The following CSF2RB variants were observed in gnomAD, a reference collection of about 807,000 sequenced individuals.
CSF2RB encodes the protein colony stimulating factor 2 receptor subunit beta.
In CSF2RB, 22 loss-of-function variants were observed where a neutral mutation model predicts 67.2. That is an observed-to-expected ratio of 0.33 (90% confidence interval 0.23 to 0.47). The LOEUF is 0.47. Among genes scored for constraint, CSF2RB ranks in the 20% least tolerant of loss-of-function variants. The pLI, the probability that CSF2RB is intolerant of heterozygous loss-of-function variation, is 1.00. For synonymous variants in CSF2RB, 507 were observed against 482.9 expected (o/e 1.05, Z -0.65); for missense variants, 1,113 against 1,174.5 (o/e 0.95, Z 0.76).
rs1601593677 is a variant in CSF2RB, at chr22:36,936,605, T to C, written c.1521T>C (p.Ser507=). Residue 507 remains serine (S), a synonymous_variant, in exon 13 of 14, where the codon AGT becomes AGC. Transcript: ENST00000403662. The part of the protein sequence containing the change: ...PGSMSAFTSG[S]PPHQGPWGSR... The stretch of plus-strand genomic sequence containing the variant: ...GCATGTCGGCCTTCACTAGCGGGAG[T>C]CCCCCACACCAGGGGCCGTGGGGCA... The C allele has an allele frequency of 1.9e-6, 3 of 1,612,960 alleles. No homozygotes were observed. In the South Asian group the frequency reaches 3.3e-5, roughly 18 times the overall value.
chr22:36,930,755 C>T lies in CSF2RB; in HGVS notation c.937C>T (p.Pro313Ser), dbSNP rs1157582749. 3 of 1,613,870 alleles carry T rather than the reference C, an allele frequency of 1.9e-6. No individual in the cohort carries two copies. The highest frequency in any genetic ancestry group is 1.7e-5 in the Admixed American group (1 of 60,006). The change falls in exon 8 of 14, where the codon CCC (proline) becomes TCC (serine). Residue 313 changes from proline to serine, a missense_variant. By Grantham distance (74) the Pro-to-Ser change is moderately conservative (BLOSUM62 -1). Transcript: ENST00000403662. ...CCACTGCCAGATTCCCGTGCCCGACCCCGCGACCCACGGCCAATACATCGT... is the reference window on the plus strand; with the variant it reads ...CCACTGCCAGATTCCCGTGCCCGACTCCGCGACCCACGGCCAATACATCGT... ...RHHCQIPVPDPATHGQYIVSV... is the reference protein window; with the variant it reads ...RHHCQIPVPDSATHGQYIVSV...
At position 36,936,562 on chromosome 22, in the gene CSF2RB, A is replaced by G. The variant is rs751286370; in HGVS notation, c.1478A>G (p.Glu493Gly). Residue 493 changes from glutamate (E) to glycine (G), a missense_variant, in exon 13 of 14, where the codon GAG (glutamate) becomes GGG (glycine). Physicochemically the swap from Glu to Gly is moderately conservative, Grantham distance 98. Transcript: ENST00000403662. Reference protein sequence around the residue: ...KSHLFQNGSAELWPPGSMSAF... With the variant: ...KSHLFQNGSAGLWPPGSMSAF... ...CTGCTCTTGCAGAACGGGAGCGCAG[A>G]GCTTTGGCCCCCAGGCAGCATGTCG... 1.4e-5 allele frequency: 23 copies of G among 1,612,718 alleles called. No individual in the cohort carries two copies. Among genetic ancestry groups the G allele is most frequent in the Non-Finnish European group, 1.9e-5 (22 of 1,179,962 alleles).
chr22:36,926,873 GT>G (rs1941028865), intron 4 of CSF2RB, among the ~76,000 whole-genome samples: 1 of 152,248 alleles, frequency 6.6e-6, no homozygotes, highest in African/African-American at 2.4e-5. Flanking sequence ...TTTTATGAAA[GT>G]TTTCGTTGAC....
At chr22:36,927,946 C>T (rs909486) in intron 4 of CSF2RB, among the ~76,000 whole-genome samples, 58,502 of 152,046 alleles carry the variant, frequency 0.38, 13,775 homozygotes, top group East Asian at 0.78. Context: ...CATAAGCCAA[C>T]GAAGCAGTCA....
At chr22:36,923,162 G>A (rs2145784638) in intron 2 of CSF2RB, 82 bp from the exon 3 acceptor site, 2 of 1,608,572 alleles carry the variant, frequency 1.2e-6, no homozygotes, top group African/African-American at 1.3e-5. Context: ...CCCAGAGCGG[G>A]ACATCCCAAA....
chr22:36,923,054 G>T (rs995554705), intron 2 of CSF2RB, among the ~76,000 whole-genome samples, 190 bp from the exon 3 acceptor site: 2 of 152,200 alleles, frequency 1.3e-5, no homozygotes, highest in African/African-American at 4.8e-5. Flanking sequence ...TCTGCCAGGA[G>T]AGGAGGGTCC....
At chr22:36,933,744 C>G in intron 9 of CSF2RB, 88 bp from the exon 10 acceptor site, 1 of 1,504,582 alleles carries the variant, frequency 6.6e-7, no homozygotes, top group Non-Finnish European at 8.9e-7. Flanking sequence ...GAGCTAGGAG[C>G]CAGCGAAGCC....
intron 3 of CSF2RB, among the ~76,000 whole-genome samples, chr22:36,924,123 C>T (rs1314493500): frequency 1.3e-5 from 2 of 151,890 alleles, no homozygotes; most frequent in Non-Finnish European, 2.9e-5. Flanking sequence ...CCCACCCCTC[C>T]ACCGCCTTCA....
intron 1 of CSF2RB, among the ~76,000 whole-genome samples, chr22:36,916,083 A>C (rs1462375809): frequency 6.6e-6 from 1 of 152,162 alleles, no homozygotes; most frequent in Non-Finnish European, 1.5e-5. Context: ...AAGATGTCTT[A>C]TGTCATATAA....
Position 36,930,795 on chromosome 22 carries a change from G to A in CSF2RB, c.977G>A (p.Arg326Lys), listed in dbSNP as rs752076635. ...CAATACATCGTCTCTGTTCAGCCAA[G>A]GAGGGCAGAGAAACACATAAAGAGC... is the stretch of plus-strand genomic sequence containing the variant. ...HGQYIVSVQP[R>K]RAEKHIKSSV... The change falls in exon 8 of 14, where the codon AGG becomes AAG. Residue 326 changes from arginine to lysine, a missense_variant. Arg to Lys is a conservative substitution (Grantham distance 26). Coordinates refer to ENST00000403662, the MANE Select transcript of CSF2RB (RefSeq NM_000395.3). The A allele has an allele frequency of 6.8e-6, 11 of 1,614,156 alleles. No individual in the cohort carries two copies. The highest frequency in any genetic ancestry group is 3.3e-5 in the South Asian group (3 of 91,086).
At chr22:36,925,831 C>T (rs1426430114) in intron 3 of CSF2RB, among the ~76,000 whole-genome samples, 156 bp from the exon 4 acceptor site, 1 of 152,204 alleles carries the variant, frequency 6.6e-6, no homozygotes. Flanking sequence ...TCCCCTTCTC[C>T]CAGGATGGCA....
Position 36,929,551 on chromosome 22 carries a change from T to C in CSF2RB, c.541T>C (p.Ser181Pro), listed in dbSNP as rs370781346. Residue 181 changes from serine (S) to proline (P), a missense_variant, in exon 5 of 14, where the codon TCT (serine) becomes CCT (proline). Coordinates refer to ENST00000403662, the MANE Select transcript of CSF2RB (RefSeq NM_000395.3). ...GGTGGTCTACAAGCGGCTTCAGGACTCTTGGGAGGTAGGAACCACGGCCAG... is the reference window on the plus strand; with the variant it reads ...GGTGGTCTACAAGCGGCTTCAGGACCCTTGGGAGGTAGGAACCACGGCCAG... ...FEVVYKRLQD[S>P]WEDAAILLSN... 1.9e-4 allele frequency: 306 copies of C among 1,613,996 alleles called. No homozygotes were observed. The highest frequency in any genetic ancestry group is 2.5e-4 in the Non-Finnish European group (293 of 1,180,016).
chr22:36,935,442 G>A lies in CSF2RB; in HGVS notation c.1406+1G>A. 1 of 1,614,166 alleles carries A rather than the reference G, an allele frequency of 6.2e-7. No homozygotes were observed. ...GCTTCTGTGGCATCTACGGGTACAG[G>A]TGAGGGGACTCTGTGGGGCTGGAGG... On this transcript the variant is annotated splice_donor_variant, in intron 11 of 13. Coordinates refer to ENST00000403662, the MANE Select transcript of CSF2RB (RefSeq NM_000395.3). LOFTEE classifies it high-confidence loss of function.
chr22:36,915,412 A>T (rs936792382), intron 1 of CSF2RB, among the ~76,000 whole-genome samples: 2 of 124,916 alleles, frequency 1.6e-5, no homozygotes, highest in South Asian at 5.1e-4. Context: ...CAGAAATGGG[A>T]TTATTTTATT....
At position 36,933,993 on chromosome 22, in the gene CSF2RB, G is replaced by C. The variant is rs772189360; in HGVS notation, c.1314G>C (p.Ser438=). The change falls in exon 10 of 14, where the codon TCG becomes TCC. Residue 438 remains serine (S), a splice_region_variant and synonymous_variant. Coordinates refer to ENST00000403662, the MANE Select transcript of CSF2RB (RefSeq NM_000395.3). ...AGGCGCGCTCCTGGGACACCGAGTC[G>C]GGTAGGTGAAGGCTGGAGTCCAGAG... The part of the protein sequence containing the change: ...WSEARSWDTE[S]VLPMWVLALI... 6 of 1,612,032 alleles carry C rather than the reference G, an allele frequency of 3.7e-6. No individual in the cohort carries two copies. The highest frequency in any genetic ancestry group is 1.3e-5 in the African/African-American group (1 of 74,890).
rs746797033 is a variant in CSF2RB at position 36,929,428 on chromosome 22, C to A, written c.418C>A (p.Gln140Lys). 3.7e-6 allele frequency: 6 copies of A among 1,614,222 alleles called. No homozygotes were observed. In the Middle Eastern group the frequency reaches 4.9e-4, roughly 133 times the overall value. ...CCAGCCTCCTGAGCCCAGGGACCTG[C>A]AGATCAGCACCGACCAGGACCACTT... ...HVQPPEPRDL[Q>K]ISTDQDHFLL... is the part of the protein sequence containing the mutation. The change falls in exon 5 of 14, where the codon CAG (glutamine) becomes AAG (lysine). Residue 140 changes from glutamine (Q) to lysine (K), a missense_variant. Physicochemically the swap from Gln to Lys is moderately conservative, Grantham distance 53. Transcript: ENST00000403662.
chr22:36,922,179 T>G lies in CSF2RB; in HGVS notation c.-29T>G. ...CATGGCCAGCACCCACCAGTGCTGG[T>G]GCCTGCCTGTCCAGAGCTGACCAGG... is the stretch of plus-strand genomic sequence containing the variant. On this transcript the variant is annotated 5_prime_UTR_variant, in exon 2 of 14. Transcript: ENST00000403662. 6.4e-7 allele frequency: 1 copy of G among 1,559,322 alleles called. No homozygotes were observed. The highest frequency in any genetic ancestry group is 1.2e-5 in the South Asian group (1 of 84,926).
In CSF2RB at chr22:36,936,554, G is replaced by A. The variant is rs752776854; in HGVS notation, c.1470G>A (p.Gly490=). 2 of 1,612,704 alleles carry A rather than the reference G, an allele frequency of 1.2e-6. No homozygotes were observed. Among genetic ancestry groups the A allele is most frequent in the East Asian group, 2.2e-5 (1 of 44,874 alleles). Residue 490 remains glycine, a synonymous_variant, in exon 13 of 14, where the codon GGG becomes GGA. Coordinates refer to ENST00000403662, the MANE Select transcript of CSF2RB (RefSeq NM_000395.3). Reference sequence around the variant, plus strand: ...AAATGTCTCTGCTCTTGCAGAACGGGAGCGCAGAGCTTTGGCCCCCAGGCA... The same window carrying A: ...AAATGTCTCTGCTCTTGCAGAACGGAAGCGCAGAGCTTTGGCCCCCAGGCA... ...NPSKSHLFQN[G]SAELWPPGSM...
In CSF2RB at chr22:36,929,468, G is replaced by C. The variant is rs1294229588; in HGVS notation, c.458G>C (p.Ser153Thr). 15 of 1,614,092 alleles carry C rather than the reference G, an allele frequency of 9.3e-6. No homozygotes were observed. The highest frequency in any genetic ancestry group is 3.3e-4 in the Middle Eastern group (2 of 6,084). The change falls in exon 5 of 14, where the codon AGT becomes ACT. Residue 153 changes from serine (S) to threonine (T), a missense_variant. Coordinates refer to ENST00000403662, the MANE Select transcript of CSF2RB (RefSeq NM_000395.3). ...TDQDHFLLTW[S>T]VALGSPQSHW... ...CAGGACCACTTCCTGCTGACCTGGA[G>C]TGTGGCCCTTGGGAGTCCCCAGAGC... is the stretch of plus-strand genomic sequence containing the variant.
Sources: gnomAD v4.1 joint callset for allele counts (sites outside exome capture counted in the v4.1 genomes callset) on GRCh38, gnomAD v4.1.1 for gene constraint, MANE v1.5 for transcripts, NCBI Gene and HGNC (gene_info 2026-07-23, HGNC 2026-07-21) for gene names.